The following AKIRIN1 variants were observed in gnomAD, a reference collection of about 807,000 sequenced individuals.
AKIRIN1 encodes akirin-1.
In AKIRIN1, 4 loss-of-function variants were observed where a neutral mutation model predicts 25.9. The ratio of observed to expected loss-of-function variants is 0.15; its 90% CI spans 0.08 to 0.35. AKIRIN1 has a LOEUF of 0.35. Among genes scored for constraint, AKIRIN1 ranks in the 10% least tolerant of loss-of-function variants. The pLI is 1.00. For synonymous variants in AKIRIN1, 125 were observed against 105.1 expected (o/e 1.19, Z -1.16); for missense variants, 243 against 266.1 (o/e 0.91, Z 0.61).
chr1:39,003,444 A>G, intron 4 of AKIRIN1, 26 bp downstream of exon 4: 7 of 1,606,616 alleles, frequency 4.4e-6, no homozygotes, highest in Non-Finnish European at 5.9e-6. Context: ...TTTTCTTTGA[A>G]TTTTCTAAGT....
At position 38,991,740 on chromosome 1, in the gene AKIRIN1, G is replaced by C. The variant is rs1020129279; in HGVS notation, c.220+140G>C. 7 of 1,002,790 alleles carry C rather than the reference G, an allele frequency of 7.0e-6. No individual in the cohort carries two copies. In the African/African-American group the frequency reaches 1.2e-4, roughly 17 times the overall value. 62.1% of individuals were successfully genotyped at this position (1,002,790 alleles called of 1,614,324 possible). ...CTTGAGAAAAGGGAACTGGGATGCC[G>C]CTGGGCCTGGTTGCTTCCGGTGATG... On this transcript the variant is annotated intron_variant, in intron 1 of 4. Transcript: ENST00000432648.
intron 1 of AKIRIN1, among the ~76,000 whole-genome samples, chr1:38,991,966 A>G (rs1263653403): frequency 1.7e-5 from 2 of 119,626 alleles, no homozygotes; most frequent in African/African-American, 6.4e-5. Flanking sequence ...GCCATGGAAA[A>G]TTGGATTCTA....
intron 4 of AKIRIN1, 141 bp downstream of exon 4, chr1:39,003,559 A>G (rs1356465053): frequency 2.8e-6 from 2 of 709,346 alleles, no homozygotes; most frequent in Non-Finnish European, 4.7e-6. Flanking sequence ...ATCCACACCA[A>G]AGCTTATATA....
Position 39,004,222 on chromosome 1 carries a change from G to A in AKIRIN1, c.*167G>A, listed in dbSNP as rs928487643. The A allele has an allele frequency of 1.2e-5, 9 of 769,168 alleles. No homozygotes were observed. Among genetic ancestry groups the A allele is most frequent in the Non-Finnish European group, 1.9e-5 (8 of 432,278 alleles). The allele number at this position is 769,168 out of a possible 1,614,324, so 47.6% of individuals were successfully genotyped here. On this transcript the variant is annotated 3_prime_UTR_variant, in exon 5 of 5. Coordinates refer to ENST00000432648, the MANE Select transcript of AKIRIN1 (RefSeq NM_024595.3). ...AACTTGAAAGACCGTAAAACTTTCT[G>A]GTTGCCACAAGCATATCTTTCTTTT...
At chr1:38,993,360 G>A (rs1643923231) in intron 1 of AKIRIN1, among the ~76,000 whole-genome samples, 1 of 151,858 alleles carries the variant, frequency 6.6e-6, no homozygotes, top group Admixed American at 6.6e-5. Flanking sequence ...CCAACATGGT[G>A]AAAACCCTGT....
intron 1 of AKIRIN1, among the ~76,000 whole-genome samples, chr1:38,996,704 T>A (rs1643950933): frequency 6.6e-6 from 1 of 152,044 alleles, no homozygotes; most frequent in South Asian, 2.1e-4. Flanking sequence ...TAAATTTTTT[T>A]ATTTTTAGTA....
intron 1 of AKIRIN1, among the ~76,000 whole-genome samples, chr1:38,992,077 A>G (rs1442652870): frequency 6.6e-6 from 1 of 152,080 alleles, no homozygotes; most frequent in African/African-American, 2.4e-5. Context: ...CATGATTTCC[A>G]GAAGTCTTTA....
In AKIRIN1 at chr1:38,991,441, G is replaced by A. The variant is rs1643904048; in HGVS notation, c.61G>A (p.Gly21Ser). 3 of 1,370,630 alleles carry A rather than the reference G, an allele frequency of 2.2e-6. No individual in the cohort carries two copies. Among genetic ancestry groups the A allele is most frequent in the Non-Finnish European group, 2.8e-6 (3 of 1,066,632 alleles). 84.9% of individuals were successfully genotyped at this position (1,370,630 alleles called of 1,614,324 possible). The change falls in exon 1 of 5, where the codon GGC (glycine) becomes AGC (serine). Residue 21 changes from glycine to serine, a missense_variant. Physicochemically the swap from Gly to Ser is moderately conservative, Grantham distance 56. Around this residue, in one of 3 missense-constraint regions of AKIRIN1, gnomAD observed 28 missense variants for 46.4 expected, o/e 0.60. Transcript: ENST00000432648. The part of the protein sequence containing the change: ...MEFEAALLSP[G>S]SPKRRRCAPL... ...GTTCGAGGCGGCGCTGCTGAGCCCC[G>A]GCTCCCCGAAGCGGCGGCGCTGCGC... is the stretch of plus-strand genomic sequence containing the variant.
At chr1:39,002,502 G>T (rs1393759842) in intron 3 of AKIRIN1, among the ~76,000 whole-genome samples, 1 of 152,116 alleles carries the variant, frequency 6.6e-6, no homozygotes. Flanking sequence ...AGGCCGAGGC[G>T]GGCAGATTAC....
At position 38,991,375 on chromosome 1, in the gene AKIRIN1, A is replaced by G. The variant is rs1643903630; in HGVS notation, c.-6A>G. ...GTCCGCTCCCGGTCCCTGGCCCCTC[A>G]GCGGCATGGCGTGCGGGGCGACGCT... On this transcript the variant is annotated 5_prime_UTR_variant, in exon 1 of 5. Coordinates refer to ENST00000432648, the MANE Select transcript of AKIRIN1 (RefSeq NM_024595.3). The G allele has an allele frequency of 1.5e-6, 2 of 1,337,088 alleles. No homozygotes were observed. Among genetic ancestry groups the G allele is most frequent in the East Asian group, 3.1e-5 (1 of 32,108 alleles). The allele number at this position is 1,337,088 out of a possible 1,614,324, so 82.8% of individuals were successfully genotyped here. A position where few individuals can be genotyped will look rare whatever the true frequency, so the allele number is the denominator to read the frequency against.
At chr1:38,999,850 G>T (rs1156825965) in intron 2 of AKIRIN1, among the ~76,000 whole-genome samples, 1 of 150,514 alleles carries the variant, frequency 6.6e-6, no homozygotes, top group Non-Finnish European at 1.5e-5. Flanking sequence ...ATGTTTTTTT[G>T]TTTTGTTTTG....
chr1:38,996,241 C>T lies in AKIRIN1; in HGVS notation c.221-1930C>T, dbSNP rs574281155. ...TCCCAAGTAGCTGGGATTACAGGTGCGCACCACCATGCCCAGCTAATTTTT... is the reference window on the plus strand; with the variant it reads ...TCCCAAGTAGCTGGGATTACAGGTGTGCACCACCATGCCCAGCTAATTTTT... On this transcript the variant is annotated intron_variant, in intron 1 of 4. Coordinates refer to ENST00000432648, the MANE Select transcript of AKIRIN1 (RefSeq NM_024595.3). 7.2e-5 allele frequency among the ~76,000 whole-genome samples: 11 copies of T among 151,794 alleles called. No homozygotes were observed. In the South Asian group the frequency reaches 1.0e-3, roughly 14 times the overall value.
rs1443128196 is a variant in AKIRIN1, at chr1:39,000,967, G to A, written c.362-5G>A. 6.2e-7 allele frequency: 1 copy of A among 1,606,328 alleles called. No individual in the cohort carries two copies. The highest frequency in any genetic ancestry group is 8.5e-7 in the Non-Finnish European group (1 of 1,176,970). ...TGGCCCAAACTCACTTTTTCTTTTG[G>A]CCAGGTTCCTCATGGATGAAGAAGG... On this transcript the variant is annotated splice_region_variant and splice_polypyrimidine_tract_variant and intron_variant, in intron 2 of 4. Transcript: ENST00000432648.
Position 38,998,339 on chromosome 1 carries a change from G to T in AKIRIN1, c.361+28G>T, listed in dbSNP as rs751211502. 6.4e-6 allele frequency: 10 copies of T among 1,573,010 alleles called. No homozygotes were observed. In the Admixed American group the frequency reaches 1.5e-4, roughly 24 times the overall value. On this transcript the variant is annotated intron_variant, in intron 2 of 4. Transcript: ENST00000432648. The stretch of plus-strand genomic sequence containing the variant: ...AAGCCCACTTTGATCTGCAAAATTC[G>T]CATTAAGAGTTTGTAAATGGTACTT...
At position 39,004,313 on chromosome 1, in the gene AKIRIN1, G is replaced by A; in HGVS notation, c.*258G>A. 1.6e-6 allele frequency: 1 copy of A among 641,146 alleles called. No homozygotes were observed. The highest frequency in any genetic ancestry group is 2.8e-6 in the Non-Finnish European group (1 of 352,010). 39.7% of individuals were successfully genotyped at this position (641,146 alleles called of 1,614,324 possible). On this transcript the variant is annotated 3_prime_UTR_variant, in exon 5 of 5. Coordinates refer to ENST00000432648, the MANE Select transcript of AKIRIN1 (RefSeq NM_024595.3). ...TTTCCAAACAAAAATACCTGGAGCA[G>A]CAGTTTAGCAAAATATGCCTTCAGT...
At chr1:38,999,147 C>T (rs1251708966) in intron 2 of AKIRIN1, among the ~76,000 whole-genome samples, 1 of 152,206 alleles carries the variant, frequency 6.6e-6, no homozygotes, top group Non-Finnish European at 1.5e-5. Flanking sequence ...GGTTCAACAG[C>T]CCAGTGTTTG....
At position 39,005,795 on chromosome 1, in the gene AKIRIN1, C is replaced by T. The variant is rs1034414960; in HGVS notation, c.*1740C>T. ...ATTAATGAATGTCTTTGACTTAAAT[C>T]TAACCAAAAACTGCAACATTATTCT... On this transcript the variant is annotated 3_prime_UTR_variant, in exon 5 of 5. Coordinates refer to ENST00000432648, the MANE Select transcript of AKIRIN1 (RefSeq NM_024595.3). The T allele has an allele frequency of 6.6e-5, 10 of 152,256 alleles. No homozygotes were observed. Among genetic ancestry groups the T allele is most frequent in the African/African-American group, 2.4e-4 (10 of 41,546 alleles). 9.4% of individuals were successfully genotyped at this position (152,256 alleles called of 1,614,324 possible). A position where few individuals can be genotyped will look rare whatever the true frequency, so the allele number is the denominator to read the frequency against.
At position 39,000,905 on chromosome 1, in the gene AKIRIN1, C is replaced by A. The variant is rs993605742; in HGVS notation, c.362-67C>A. 27 of 1,502,624 alleles carry A rather than the reference C, an allele frequency of 1.8e-5. No homozygotes were observed. The African/African-American group carries it at 2.7e-4, about 15-fold the overall frequency. The allele number at this position is 1,502,624 out of a possible 1,614,324, so 93.1% of individuals were successfully genotyped here. ...CAGATGATCCGCCTGCCTTGGCCTC[C>A]CAAAGTGCTGGGATTATAGGTGTGA... On this transcript the variant is annotated intron_variant, in intron 2 of 4. Coordinates refer to ENST00000432648, the MANE Select transcript of AKIRIN1 (RefSeq NM_024595.3).
chr1:38,993,581 A>C (rs902273126), intron 1 of AKIRIN1, among the ~76,000 whole-genome samples: 6 of 150,534 alleles, frequency 4.0e-5, no homozygotes, highest in Non-Finnish European at 7.4e-5. Context: ...CAGTGAGCGG[A>C]GATCACACCA....
Sources: allele counts gnomAD v4.1 joint callset (sites outside exome capture counted in the v4.1 genomes callset), GRCh38; gene constraint gnomAD v4.1.1; regional missense constraint gnomAD v4.1.1; transcripts MANE v1.5; gene names NCBI Gene and HGNC (gene_info 2026-07-23, HGNC 2026-07-21).